The following CUX2 variants were observed in gnomAD, a reference collection of about 807,000 sequenced individuals.
The protein encoded by CUX2 is homeobox protein cut-like 2.
In CUX2, 40 loss-of-function variants were observed where a neutral mutation model predicts 144.8. That is an observed-to-expected ratio of 0.28 (90% CI 0.21 to 0.36). CUX2 has a LOEUF of 0.36. Ranked by LOEUF, CUX2 falls within the 10% of genes least tolerant of loss-of-function variation. The pLI is 1.00. For missense variants in CUX2, 1,615 were observed against 1,994.0 expected (o/e 0.81, Z 3.62); for synonymous variants, 827 against 875.6 (o/e 0.94, Z 0.98).
chr12:111,243,893 G>A (rs1027432003), intron 3 of CUX2, among the ~76,000 whole-genome samples: 13 of 152,288 alleles, frequency 8.5e-5, no homozygotes, highest in African/African-American at 2.9e-4. Context: ...GTGTGTGCAT[G>A]TGTGTTCGTG....
intron 1 of CUX2, among the ~76,000 whole-genome samples, chr12:111,134,169 C>T (rs372067476): frequency 3.9e-5 from 6 of 152,204 alleles, no homozygotes; most frequent in African/African-American, 1.2e-4. Flanking sequence ...AATCTCTAAA[C>T]TCATCCTTTT....
At chr12:111,303,202 C>CA (rs1477528100) in intron 9 of CUX2, among the ~76,000 whole-genome samples, 60 of 109,196 alleles carry the variant, frequency 5.5e-4, no homozygotes, top group Middle Eastern at 0.021. Context: ...GCCTGGGTGA[C>CA]AGAGCGAGAC....
rs1396835118 is a variant in CUX2, at chr12:111,035,076, CGG to C, written c.63+838_63+839del. 2.0e-5 allele frequency among the ~76,000 whole-genome samples: 3 copies of C among 152,110 alleles called. No homozygotes were observed. The highest frequency in any genetic ancestry group is 7.2e-5 in the African/African-American group (3 of 41,420). On this transcript the variant is annotated intron_variant, in intron 1 of 21. Coordinates refer to ENST00000261726, the MANE Select transcript of CUX2 (RefSeq NM_015267.4). This position sits in a 1 kb window ranked among gnomAD's most constrained non-coding sequence, Gnocchi z 6.0. ...TCCTGCCTCCAGGGCGGTGGAGAGCCGGGAGCGGCGCAGAGCAGGTGACTCCC... is the reference window on the plus strand; with the variant it reads ...TCCTGCCTCCAGGGCGGTGGAGAGCCGAGCGGCGCAGAGCAGGTGACTCCC...
intron 1 of CUX2, among the ~76,000 whole-genome samples, chr12:111,158,436 A>C (rs1431449805): frequency 6.6e-6 from 1 of 150,568 alleles, no homozygotes; most frequent in African/African-American, 2.4e-5. Context: ...AGTGAGACCC[A>C]GTCTCTACCA....
intron 1 of CUX2, among the ~76,000 whole-genome samples, chr12:111,105,655 A>G (rs1160721020): frequency 6.6e-6 from 1 of 152,180 alleles, no homozygotes; most frequent in Non-Finnish European, 1.5e-5. Context: ...GGAGCCACAC[A>G]GACCTGGGTT....
rs373044418 is a variant in CUX2 at position 111,107,493 on chromosome 12, G to A, written c.63+73253G>A. Among the ~76,000 whole-genome samples, 45 of 152,338 alleles carry A rather than the reference G, an allele frequency of 3.0e-4. 1 individual carries two copies. In the East Asian group the frequency reaches 7.1e-3, roughly 24 times the overall value. ...TTCTTCTGTTGCCTCAGGGAGTTCC[G>A]GGAGCTGCAGGTTTCACCTGGGGAG... On this transcript the variant is annotated intron_variant, in intron 1 of 21. Transcript: ENST00000261726.
At chr12:111,345,024 C>T (rs888510830) in intron 21 of CUX2, among the ~76,000 whole-genome samples, 1 of 152,074 alleles carries the variant, frequency 6.6e-6, no homozygotes, top group Admixed American at 6.5e-5. Context: ...CTGCCTTGGC[C>T]TCCCAAAGTG....
chr12:111,323,733 C>T (rs1384038026), intron 18 of CUX2, among the ~76,000 whole-genome samples: 1 of 151,432 alleles, frequency 6.6e-6, no homozygotes, highest in Non-Finnish European at 1.5e-5. Flanking sequence ...CACTGCACTC[C>T]GGCTTGGGTG....
chr12:111,239,253 C>G (rs1480012854), intron 3 of CUX2, among the ~76,000 whole-genome samples: 1 of 152,086 alleles, frequency 6.6e-6, no homozygotes, highest in Non-Finnish European at 1.5e-5. Context: ...ATATTTTTCT[C>G]TCAGAATGTT....
In CUX2 at chr12:111,307,302, T is replaced by C. The variant is rs1886638631; in HGVS notation, c.1109+45T>C. On this transcript the variant is annotated intron_variant, in intron 12 of 21. Coordinates refer to ENST00000261726, the MANE Select transcript of CUX2 (RefSeq NM_015267.4). This position sits in a 1 kb window ranked among gnomAD's most constrained non-coding sequence, Gnocchi z 4.1. The stretch of plus-strand genomic sequence containing the variant: ...TCCACAGACCCTCAGTGCTCTTCCC[T>C]GGCCAGGAGCTCTTGGCAAAGTTCA... 1.3e-6 allele frequency: 2 copies of C among 1,576,306 alleles called. No individual in the cohort carries two copies. The highest frequency in any genetic ancestry group is 1.7e-6 in the Non-Finnish European group (2 of 1,151,120).
In CUX2 at chr12:111,311,955, A is replaced by G. The variant is rs1374422132; in HGVS notation, c.1901-145A>G. On this transcript the variant is annotated intron_variant, in intron 15 of 21. Transcript: ENST00000261726. ...CACTCACAGGCCCACAGTTTGTTACATAGACTAAGCAGTGGCCCTGCCATC... is the reference window on the plus strand; with the variant it reads ...CACTCACAGGCCCACAGTTTGTTACGTAGACTAAGCAGTGGCCCTGCCATC... 1.6e-5 allele frequency: 9 copies of G among 579,978 alleles called. No homozygotes were observed. The South Asian group carries it at 2.2e-4, about 14-fold the overall frequency. 35.9% of individuals were successfully genotyped at this position (579,978 alleles called of 1,614,324 possible). A position where few individuals can be genotyped will look rare whatever the true frequency, so the allele number is the denominator to read the frequency against.
In CUX2 at chr12:111,078,201, G is replaced by A. The variant is rs1352747529; in HGVS notation, c.63+43961G>A. On this transcript the variant is annotated intron_variant, in intron 1 of 21. Transcript: ENST00000261726. ...TGTGCCCGGCACCAGACTAGGCATC[G>A]GGGATGAGCCGACATTGAGAGAGAC... is the stretch of plus-strand genomic sequence containing the variant. Among the ~76,000 whole-genome samples, 6 of 152,300 alleles carry A rather than the reference G, an allele frequency of 3.9e-5. No homozygotes were observed. In the South Asian group the frequency reaches 8.3e-4, roughly 21 times the overall value.
At position 111,304,500 on chromosome 12, in the gene CUX2, C is replaced by G. The variant is rs1380218608; in HGVS notation, c.858+186C>G. The stretch of plus-strand genomic sequence containing the variant: ...AGCATAATCACTATGACCTGCTACA[C>G]CAGCTGAGGATAAAAATACAGCTAC... On this transcript the variant is annotated intron_variant, in intron 10 of 21. Coordinates refer to ENST00000261726, the MANE Select transcript of CUX2 (RefSeq NM_015267.4). The surrounding 1 kb of genome is among the most constrained non-coding windows in gnomAD (Gnocchi z 4.7). 3.3e-5 allele frequency among the ~76,000 whole-genome samples: 5 copies of G among 152,184 alleles called. No individual in the cohort carries two copies. Among genetic ancestry groups the G allele is most frequent in the Non-Finnish European group, 1.5e-5 (1 of 68,032 alleles).
chr12:111,191,749 T>G (rs1347436034), intron 1 of CUX2, among the ~76,000 whole-genome samples: 1 of 152,202 alleles, frequency 6.6e-6, no homozygotes, highest in Non-Finnish European at 1.5e-5. Context: ...GGACCTGCTG[T>G]TCCTCTTGCC....
chr12:111,067,700 A>G lies in CUX2; in HGVS notation c.63+33460A>G, dbSNP rs115572237. Among the ~76,000 whole-genome samples the G allele has an allele frequency of 5.9e-3, 894 of 152,278 alleles. 10 individuals carry two copies. Among genetic ancestry groups the G allele is most frequent in the African/African-American group, 0.02 (842 of 41,550 alleles). ...AATCAGACACAAGTCATGTCTGCCA[A>G]CCTGGCCTGGTGTTGATAGGCGGGT... On this transcript the variant is annotated intron_variant, in intron 1 of 21. Coordinates refer to ENST00000261726, the MANE Select transcript of CUX2 (RefSeq NM_015267.4).
chr12:111,237,751 T>C (rs1046375269), intron 3 of CUX2, among the ~76,000 whole-genome samples: 1 of 152,094 alleles, frequency 6.6e-6, no homozygotes, highest in African/African-American at 2.4e-5. Context: ...TTGTGCCCCT[T>C]CCCTCTTCTC....
In CUX2 at chr12:111,263,788, G is replaced by C. The variant is rs757562082; in HGVS notation, c.250G>C (p.Glu84Gln). The C allele has an allele frequency of 1.2e-6, 2 of 1,614,186 alleles. No homozygotes were observed. Among genetic ancestry groups the C allele is most frequent in the Admixed American group, 1.7e-5 (1 of 60,020 alleles). The change falls in exon 4 of 22, where the codon GAG becomes CAG. Residue 84 changes from glutamate to glutamine, a missense_variant. Around this residue, in one of 12 missense-constraint regions of CUX2, gnomAD observed 295 missense variants for 400.2 expected, o/e 0.74. Coordinates refer to ENST00000261726, the MANE Select transcript of CUX2 (RefSeq NM_015267.4). The surrounding 1 kb of genome is among the most constrained non-coding windows in gnomAD (Gnocchi z 4.0). ...EVVALSKRSQ[E>Q]AEAAFLSVYK... ...GGTGGCCCTTAGTAAGAGAAGTCAG[G>C]AGGCGGAGGCTGCTTTTCTGAGTGT...
intron 3 of CUX2, among the ~76,000 whole-genome samples, chr12:111,221,481 TC>T (rs1881856013): frequency 6.6e-6 from 1 of 152,154 alleles, no homozygotes; most frequent in South Asian, 2.1e-4. Context: ...GCACTGCGAT[TC>T]CCAAGTGGGT....
chr12:111,135,021 G>T (rs1218524810), intron 1 of CUX2, among the ~76,000 whole-genome samples: 5 of 152,170 alleles, frequency 3.3e-5, no homozygotes, highest in Non-Finnish European at 7.3e-5. Flanking sequence ...CTGGGGTTCA[G>T]TTGTGTACTA....
Sources: gnomAD v4.1 joint callset for allele counts (sites outside exome capture counted in the v4.1 genomes callset) on GRCh38, gnomAD v4.1.1 for gene constraint, gnomAD v4.1.1 regional missense constraint, Gnocchi (gnomAD v3.1) non-coding constraint, MANE v1.5 for transcripts, NCBI Gene and HGNC (gene_info 2026-07-23, HGNC 2026-07-21) for gene names.